Variants in BAZ2B observed in about 807,000 individuals in gnomAD.
BAZ2B encodes the protein bromodomain adjacent to zinc finger domain 2B, also known as bromodomain adjacent to zinc finger domain protein 2B.
BAZ2B carries 91 observed loss-of-function variants against 246.0 expected under a neutral mutation model. The observed-to-expected ratio is 0.37, with a 90% CI of 0.31 to 0.44. BAZ2B has a LOEUF of 0.44. Among genes scored for constraint, BAZ2B ranks in the 20% least tolerant of loss-of-function variants. The pLI, the probability that BAZ2B is intolerant of heterozygous loss-of-function variation, is 1.00. For missense variants in BAZ2B, 2,332 were observed against 2,533.7 expected, an observed-to-expected ratio of 0.92 and a Z score of 1.71; for synonymous variants, 855 against 860.0, an observed-to-expected ratio of 0.99 and a Z score of 0.10.
intron 1 of BAZ2B, among the ~76,000 whole-genome samples, chr2:159,602,988 T>G (rs1333674222): frequency 6.6e-6 from 1 of 152,002 alleles, no homozygotes; most frequent in Admixed American, 6.6e-5. Context: ...AATACAAAAA[T>G]TAGCCGGGCA....
chr2:159,621,017 A>G (rs944974045), upstream of BAZ2B, among the ~76,000 whole-genome samples: 10 of 152,202 alleles, frequency 6.6e-5, no homozygotes, highest in Non-Finnish European at 1.5e-4. Flanking sequence ...CTGAGGTAAA[A>G]TTTCAGTTTG....
In BAZ2B at chr2:159,433,075, T is replaced by C. The variant is rs770492293; in HGVS notation, c.1582A>G (p.Ser528Gly). 8.5e-5 allele frequency: 138 copies of C among 1,614,112 alleles called. No homozygotes were observed. Among genetic ancestry groups the C allele is most frequent in the Admixed American group, 1.2e-4 (7 of 60,008 alleles). Residue 528 changes from serine to glycine, a missense_variant, in exon 9 of 37, where the codon AGC becomes GGC. Physicochemically the swap from Ser to Gly is moderately conservative, Grantham distance 56. This residue lies in a region of BAZ2B where 651 missense variants were observed against 650.9 expected (regional missense o/e 1.00). Transcript: ENST00000392783. The part of the protein sequence containing the change: ...KINENIAAAS[S>G]TPFSSPVNLS... The stretch of plus-strand genomic sequence containing the variant: ...TTTACAGGTGAGGAAAAAGGGGTGC[T>C]ACTTGCAGCAGCAATGTTTTCATTA...
chr2:159,591,140 A>G (rs1689307494), intron 1 of BAZ2B, among the ~76,000 whole-genome samples: 1 of 152,214 alleles, frequency 6.6e-6, no homozygotes, highest in Admixed American at 6.5e-5. Context: ...CTACCTATGA[A>G]TAAAAATCAC....
chr2:159,647,389 C>G, the BAZ2B span, among the ~76,000 whole-genome samples: 1 of 152,154 alleles, frequency 6.6e-6, no homozygotes, highest in African/African-American at 2.4e-5. Flanking sequence ...GAGTCGTTTC[C>G]TCTTACTCAC....
intron 1 of BAZ2B, among the ~76,000 whole-genome samples, chr2:159,603,671 C>CA (rs34699245): frequency 0.091 from 13,012 of 142,264 alleles, 658 homozygotes; most frequent in Middle Eastern, 0.18. Flanking sequence ...CTCCTCCTTA[C>CA]AAAAAAAAAA....
intron 34 of BAZ2B, among the ~76,000 whole-genome samples, chr2:159,330,504 T>C (rs2064548156): frequency 6.6e-6 from 1 of 152,176 alleles, no homozygotes; most frequent in African/African-American, 2.4e-5. Context: ...CTGAATGCTG[T>C]TTGTGGTCAC....
intron 1 of BAZ2B, among the ~76,000 whole-genome samples, chr2:159,562,581 A>G (rs2151507605): frequency 6.6e-6 from 1 of 152,338 alleles, no homozygotes; most frequent in South Asian, 2.1e-4. Flanking sequence ...TATATACACA[A>G]TATCCAAAAG....
intron 25 of BAZ2B, among the ~76,000 whole-genome samples, chr2:159,382,325 T>G (rs1431982454): frequency 6.6e-6 from 1 of 152,182 alleles, no homozygotes; most frequent in Non-Finnish European, 1.5e-5. Context: ...TAAAAAAACT[T>G]CTTTTATTCA....
the BAZ2B span, among the ~76,000 whole-genome samples, chr2:159,678,715 T>A: frequency 6.6e-6 from 1 of 152,166 alleles, no homozygotes; most frequent in Non-Finnish European, 1.5e-5. Flanking sequence ...GGGAGGCAAA[T>A]AGTTCTGTAA....
chr2:159,589,708 C>T (rs1422379053), intron 1 of BAZ2B, among the ~76,000 whole-genome samples: 2 of 152,062 alleles, frequency 1.3e-5, no homozygotes, highest in Non-Finnish European at 2.9e-5. Context: ...ACATAAAATA[C>T]TAGGATATTA....
Position 159,402,119 on chromosome 2 carries a change from G to C in BAZ2B, c.2833-1455C>G, listed in dbSNP as rs190034639. Among the ~76,000 whole-genome samples, 3 of 152,184 alleles carry C rather than the reference G, an allele frequency of 2.0e-5. No individual in the cohort carries two copies. The East Asian group carries it at 5.8e-4, about 29-fold the overall frequency. ...CTTTGATTTTGGTGATCTTATCATG[G>C]TACTGAATATTAATTGTAGGCTGTC... On this transcript the variant is annotated intron_variant, in intron 16 of 36. Transcript: ENST00000392783.
the BAZ2B span, among the ~76,000 whole-genome samples, chr2:159,663,359 G>A: frequency 2.6e-5 from 4 of 151,628 alleles, no homozygotes; most frequent in South Asian, 4.2e-4. Context: ...GTGCCACCAC[G>A]CCCAGCTAAT....
intron 32 of BAZ2B, 141 bp from the exon 33 acceptor site, chr2:159,337,218 G>C: frequency 8.7e-7 from 1 of 1,147,006 alleles, no homozygotes; most frequent in South Asian, 1.5e-5. Context: ...AACTAAATTT[G>C]ATGTAGTGCA....
rs1030478016 is a variant in BAZ2B at position 159,319,008 on chromosome 2, G to A, written c.*1257C>T. On this transcript the variant is annotated 3_prime_UTR_variant, in exon 37 of 37. Coordinates refer to ENST00000392783, the MANE Select transcript of BAZ2B (RefSeq NM_013450.4). The surrounding 1 kb of genome is among the most constrained non-coding windows in gnomAD (Gnocchi z 4.0). ...TTTGTAAAAGTCTTTTATTGTATCC[G>A]TGCCACACATAGTGAAAAATAACAC... 1 of 152,442 alleles carries A rather than the reference G, an allele frequency of 6.6e-6. No homozygotes were observed. Among genetic ancestry groups the A allele is most frequent in the Non-Finnish European group, 1.5e-5 (1 of 68,016 alleles). 9.4% of individuals were successfully genotyped at this position (152,442 alleles called of 1,614,324 possible).
chr2:159,347,438 T>C, intron 31 of BAZ2B, 48 bp downstream of exon 31: 1 of 1,561,138 alleles, frequency 6.4e-7, no homozygotes, highest in Non-Finnish European at 8.8e-7. Context: ...TAAACATTAG[T>C]TATCTTCCAT....
intron 13 of BAZ2B, among the ~76,000 whole-genome samples, chr2:159,417,814 C>G (rs1258876942): frequency 6.6e-6 from 1 of 152,144 alleles, no homozygotes; most frequent in Non-Finnish European, 1.5e-5. Flanking sequence ...ACCTCAGGCT[C>G]AGTCAATTCT....
chr2:159,610,042 GACCGA>G (rs1694373908), intron 1 of BAZ2B, among the ~76,000 whole-genome samples: 1 of 152,044 alleles, frequency 6.6e-6, no homozygotes, highest in South Asian at 2.1e-4. Context: ...GAACAAATAG[GACCGA>G]ACTATTGGCA....
chr2:159,604,293 G>A (rs1404558135), intron 1 of BAZ2B, among the ~76,000 whole-genome samples: 5 of 151,668 alleles, frequency 3.3e-5, no homozygotes, highest in Admixed American at 2.6e-4. Context: ...TATTTTTAGA[G>A]GTAGGAGTCT....
At chr2:159,337,978 T>G in intron 31 of BAZ2B, among the ~76,000 whole-genome samples, 1 of 152,156 alleles carries the variant, frequency 6.6e-6, no homozygotes, top group East Asian at 1.9e-4. Flanking sequence ...AAAAATAAAA[T>G]TTATAAACTT....
Sources: allele counts gnomAD v4.1 joint callset (sites outside exome capture counted in the v4.1 genomes callset), GRCh38; gene constraint gnomAD v4.1.1; regional missense constraint gnomAD v4.1.1; non-coding constraint Gnocchi (gnomAD v3.1); transcripts MANE v1.5; gene names NCBI Gene and HGNC (gene_info 2026-07-23, HGNC 2026-07-21).